USP45: variants seen among roughly 807,000 people sequenced by gnomAD.
The protein encoded by USP45 is ubiquitin carboxyl-terminal hydrolase 45.
Under a neutral mutation model 95.8 loss-of-function variants are expected in USP45, and 89 were observed. The ratio of observed to expected loss-of-function variants is 0.93; its 90% CI spans 0.78 to 1.11. The LOEUF is 1.11. USP45 is among the 50% of genes least tolerant of loss of function. The pLI is 0.00. For missense variants in USP45, 898 were observed against 942.5 expected (o/e 0.95, Z 0.62); for synonymous variants, 281 against 316.2 (o/e 0.89, Z 1.18).
Position 99,437,253 on chromosome 6 carries a change from A to G in USP45, c.2307T>C (p.Asn769=), listed in dbSNP as rs1403463364. ...AAACTTAGGATGGCATACCAGGCAC[A>G]TTTTTCTTTTTAGTGTTATGTTCCG... is the stretch of plus-strand genomic sequence containing the variant. The part of the protein sequence containing the change: ...KLSEHNTKKK[N]VPGLKAADNE... The change falls in exon 17 of 18, where the codon AAT becomes AAC. Residue 769 remains asparagine, a synonymous_variant. Transcript: ENST00000500704. The G allele has an allele frequency of 1.9e-6, 3 of 1,602,236 alleles. No homozygotes were observed. Among genetic ancestry groups the G allele is most frequent in the African/African-American group, 2.7e-5 (2 of 74,102 alleles).
At chr6:99,444,871 A>G (rs1343936354) in intron 14 of USP45, among the ~76,000 whole-genome samples, 2 of 152,224 alleles carry the variant, frequency 1.3e-5, no homozygotes, top group African/African-American at 4.8e-5. Context: ...ATAACACACT[A>G]TTTCTTCAGT....
In USP45 at chr6:99,476,223, G is replaced by C; in HGVS notation, c.853C>G (p.Arg285Gly). ...LFNQLCQKAP[R>G]FKDFQQQDSQ... Reference sequence around the variant, plus strand: ...TCCTGTTGCTGGAAATCTTTAAATCGAGGTGCCCTGTGATTTAAAAACAAA... The same window carrying C: ...TCCTGTTGCTGGAAATCTTTAAATCCAGGTGCCCTGTGATTTAAAAACAAA... Residue 285 changes from arginine (R) to glycine (G), a missense_variant, in exon 9 of 18, where the codon CGA (arginine) becomes GGA (glycine). Arg to Gly is a moderately radical substitution (Grantham distance 125). Transcript: ENST00000500704. 1.2e-6 allele frequency: 2 copies of C among 1,613,700 alleles called. No individual in the cohort carries two copies. Among genetic ancestry groups the C allele is most frequent in the Non-Finnish European group, 1.7e-6 (2 of 1,179,778 alleles).
At chr6:99,465,604 TA>T (rs1046294169) in intron 11 of USP45, among the ~76,000 whole-genome samples, 3 of 152,188 alleles carry the variant, frequency 2.0e-5, no homozygotes, top group African/African-American at 7.2e-5. Context: ...CTGTGTTGAA[TA>T]GTCTAGAAAC....
chr6:99,439,463 C>T (rs1781111437), intron 16 of USP45, among the ~76,000 whole-genome samples: 1 of 152,188 alleles, frequency 6.6e-6, no homozygotes, highest in African/African-American at 2.4e-5. Flanking sequence ...TCACAAGGAA[C>T]AATCGAGGAC....
chr6:99,460,172 A>G (rs1459357494), intron 13 of USP45, among the ~76,000 whole-genome samples: 1 of 149,264 alleles, frequency 6.7e-6, no homozygotes, highest in Non-Finnish European at 1.5e-5. Flanking sequence ...AACTTTGTTC[A>G]GTTTTAATGA....
At chr6:99,479,156 A>G (rs1377546315) in intron 8 of USP45, among the ~76,000 whole-genome samples, 3 of 27,448 alleles carry the variant, frequency 1.1e-4, no homozygotes, top group Non-Finnish European at 1.9e-4. Flanking sequence ...ATGTATATAT[A>G]CATATATACA....
intron 13 of USP45, among the ~76,000 whole-genome samples, chr6:99,450,854 T>C (rs1783695383): frequency 1.3e-5 from 2 of 152,152 alleles, no homozygotes; most frequent in Admixed American, 1.3e-4. Flanking sequence ...GTGGGCTTCA[T>C]CCCTGGGATG....
At chr6:99,461,790 T>G (rs1253515915) in intron 13 of USP45, 3 of 982,656 alleles carry the variant, frequency 3.1e-6, no homozygotes, top group Non-Finnish European at 3.6e-6. Flanking sequence ...TCTATTACTG[T>G]AAGAGATTAA....
chr6:99,476,740 A>C (rs985022533), intron 8 of USP45, among the ~76,000 whole-genome samples: 2 of 152,242 alleles, frequency 1.3e-5, no homozygotes, highest in African/African-American at 4.8e-5. Flanking sequence ...CTAGCAAATA[A>C]ACCAGTATTC....
intron 13 of USP45, among the ~76,000 whole-genome samples, chr6:99,452,242 C>T (rs1784036938): frequency 6.6e-6 from 1 of 152,104 alleles, no homozygotes; most frequent in African/African-American, 2.4e-5. Flanking sequence ...AGTGAACAGG[C>T]AACCTACAGA....
At chr6:99,480,919 A>G (rs1259096721) in intron 8 of USP45, among the ~76,000 whole-genome samples, 1 of 152,118 alleles carries the variant, frequency 6.6e-6, no homozygotes, top group Non-Finnish European at 1.5e-5. Context: ...AGTAAACGCC[A>G]TAAAACAAAC....
intron 15 of USP45, 99 bp from the exon 16 acceptor site, chr6:99,439,954 T>G: frequency 1.2e-6 from 1 of 836,858 alleles, no homozygotes; most frequent in South Asian, 2.3e-5. Flanking sequence ...CTTAGTTTTT[T>G]CATAGATAAA....
chr6:99,483,809 C>T (rs1793052559), intron 7 of USP45, among the ~76,000 whole-genome samples: 1 of 109,686 alleles, frequency 9.1e-6, no homozygotes, highest in African/African-American at 3.8e-5. Context: ...CTGCAGTCCG[C>T]AGTCCGGCCT....
chr6:99,503,933 A>C, intron 4 of USP45, 68 bp from the exon 5 acceptor site: 1 of 1,140,828 alleles, frequency 8.8e-7, no homozygotes, highest in South Asian at 1.7e-5. Context: ...ATCAGATAAC[A>C]AAGTTGGTAT....
At chr6:99,507,554 T>A (rs765126581) in intron 3 of USP45, 23 bp from the exon 4 acceptor site, 2 of 1,427,492 alleles carry the variant, frequency 1.4e-6, no homozygotes, top group East Asian at 4.6e-5. Flanking sequence ...AGAATTTTAT[T>A]TTGTATGACT....
At chr6:99,498,191 T>C (rs549008016) in intron 5 of USP45, among the ~76,000 whole-genome samples, 2 of 152,280 alleles carry the variant, frequency 1.3e-5, no homozygotes, top group Admixed American at 6.5e-5. Flanking sequence ...TAATGCAGCA[T>C]CTGGTACAAA....
intron 9 of USP45, among the ~76,000 whole-genome samples, chr6:99,475,168 G>T (rs893999043): frequency 6.6e-6 from 1 of 152,114 alleles, no homozygotes; most frequent in African/African-American, 2.4e-5. Context: ...TACAAATACT[G>T]CTTGGTCTGC....
intron 5 of USP45, among the ~76,000 whole-genome samples, chr6:99,494,791 G>C (rs1393540219): frequency 6.6e-6 from 1 of 152,202 alleles, no homozygotes; most frequent in Non-Finnish European, 1.5e-5. Flanking sequence ...CTACTCAGGA[G>C]GCTGAGGCAG....
intron 8 of USP45, among the ~76,000 whole-genome samples, chr6:99,480,664 CAA>C (rs1295281593): frequency 3.8e-5 from 5 of 130,060 alleles, no homozygotes; most frequent in African/African-American, 5.7e-5. Flanking sequence ...AACTCCGTCT[CAA>C]AAAAAAAAAA....
Sources: allele counts gnomAD v4.1 joint callset (sites outside exome capture counted in the v4.1 genomes callset), GRCh38; gene constraint gnomAD v4.1.1; transcripts MANE v1.5; gene names NCBI Gene and HGNC (gene_info 2026-07-23, HGNC 2026-07-21).